Variants in ANO10 observed in about 807,000 individuals in gnomAD.
The protein encoded by ANO10 is anoctamin 10.
A neutral mutation model predicts 74.7 loss-of-function variants in ANO10; 77 were observed. That is an observed-to-expected ratio of 1.03 (90% CI 0.86 to 1.25). ANO10 has a LOEUF of 1.25. Among genes scored for constraint, ANO10 ranks in the 50% most tolerant of loss-of-function variants. The probability of loss-of-function intolerance (pLI) is 0.00; values close to 1 mark genes in which losing one functional copy is unlikely to be tolerated. For synonymous variants in ANO10, 279 were observed against 284.9 expected, an observed-to-expected ratio of 0.98 and a Z score of 0.21; for missense variants, 721 against 778.1, an observed-to-expected ratio of 0.93 and a Z score of 0.87.
At chr3:43,559,894 C>T (rs1182016809) in intron 9 of ANO10, among the ~76,000 whole-genome samples, 1 of 152,192 alleles carries the variant, frequency 6.6e-6, no homozygotes, top group Non-Finnish European at 1.5e-5. Context: ...AATTCTTCCT[C>T]TGTGAGACAG....
chr3:43,542,330 G>T (rs1173408489), intron 11 of ANO10, among the ~76,000 whole-genome samples: 3 of 152,172 alleles, frequency 2.0e-5, no homozygotes, highest in African/African-American at 7.2e-5. Context: ...AGGCGTGGAA[G>T]TAAGATCAGC....
chr3:43,691,070 T>C, intron 1 of ANO10: 1 of 1,522,238 alleles, frequency 6.6e-7, no homozygotes. Context: ...GCTTCGTGTG[T>C]CTCCGGCGCG....
intron 1 of ANO10, among the ~76,000 whole-genome samples, chr3:43,631,239 C>T (rs1337039837): frequency 6.6e-6 from 1 of 152,150 alleles, no homozygotes; most frequent in Admixed American, 6.5e-5. Flanking sequence ...TCCCACAAGC[C>T]CTTTAATTTG....
At chr3:43,471,374 G>C (rs2075852007) in intron 11 of ANO10, among the ~76,000 whole-genome samples, 1 of 152,076 alleles carries the variant, frequency 6.6e-6, no homozygotes, top group African/African-American at 2.4e-5. Flanking sequence ...TTAGGAAATG[G>C]AATATTCCTT....
intron 11 of ANO10, among the ~76,000 whole-genome samples, chr3:43,452,714 C>T (rs2074932967): frequency 6.6e-6 from 1 of 152,186 alleles, no homozygotes; most frequent in Non-Finnish European, 1.5e-5. Flanking sequence ...ACTGCTGGAT[C>T]GCATAGTAAC....
chr3:43,591,793 G>A (rs2081777187), intron 4 of ANO10, among the ~76,000 whole-genome samples: 2 of 152,228 alleles, frequency 1.3e-5, no homozygotes, highest in Non-Finnish European at 2.9e-5. Context: ...CCGAAGCAGG[G>A]CGAGGAATCA....
intron 4 of ANO10, among the ~76,000 whole-genome samples, chr3:43,582,066 C>T (rs1377964072): frequency 6.6e-6 from 1 of 152,000 alleles, no homozygotes; most frequent in African/African-American, 2.4e-5. Flanking sequence ...TATCTCTTAT[C>T]TACCTGTTAC....
intron 1 of ANO10, among the ~76,000 whole-genome samples, chr3:43,611,009 T>C (rs898146025): frequency 6.6e-6 from 1 of 152,280 alleles, no homozygotes; most frequent in East Asian, 1.9e-4. Context: ...CCAATCCTTT[T>C]TCCTTGGTTC....
At chr3:43,554,526 T>C (rs2079642219) in intron 10 of ANO10, among the ~76,000 whole-genome samples, 1 of 152,162 alleles carries the variant, frequency 6.6e-6, no homozygotes, top group South Asian at 2.1e-4. Flanking sequence ...AACCTGGACA[T>C]GTTAGGAGAG....
intron 11 of ANO10, among the ~76,000 whole-genome samples, chr3:43,435,416 G>A (rs1331382586): frequency 6.6e-6 from 1 of 152,016 alleles, no homozygotes; most frequent in Non-Finnish European, 1.5e-5. Context: ...GGTTGAGGCA[G>A]GGGAATTGCT....
intron 1 of ANO10, among the ~76,000 whole-genome samples, chr3:43,615,309 G>T (rs1275897074): frequency 6.6e-6 from 1 of 152,062 alleles, no homozygotes; most frequent in African/African-American, 2.4e-5. Context: ...CTCACAACCA[G>T]ACAGCCTGAC....
chr3:43,427,821 C>T (rs1395813577), intron 12 of ANO10, among the ~76,000 whole-genome samples: 1 of 152,126 alleles, frequency 6.6e-6, no homozygotes, highest in Non-Finnish European at 1.5e-5. Context: ...GAAGTCATGG[C>T]CAGTTAATTT....
intron 1 of ANO10, among the ~76,000 whole-genome samples, chr3:43,614,771 C>CTATATATATATCTATATA (rs2083002600): frequency 3.8e-5 from 2 of 52,700 alleles, no homozygotes; most frequent in African/African-American, 4.9e-5. Context: ...GAAAACTAAA[C>CTATATATATATCTATATA]TATATATATA....
intron 4 of ANO10, among the ~76,000 whole-genome samples, chr3:43,584,468 C>T (rs147119373): frequency 4.1e-4 from 63 of 152,300 alleles, no homozygotes; most frequent in African/African-American, 1.3e-3. Context: ...GAGCCGACCA[C>T]GCAGCTGTGT....
At chr3:43,462,218 G>A (rs956166661) in intron 11 of ANO10, among the ~76,000 whole-genome samples, 1 of 152,136 alleles carries the variant, frequency 6.6e-6, no homozygotes, top group Non-Finnish European at 1.5e-5. Flanking sequence ...GCTGTTGAAA[G>A]CATTCAGTAT....
At chr3:43,401,653 A>C (rs891722888) in intron 12 of ANO10, among the ~76,000 whole-genome samples, 1 of 152,252 alleles carries the variant, frequency 6.6e-6, no homozygotes, top group African/African-American at 2.4e-5. Context: ...TAAAATCGGG[A>C]CAATTCTACA....
rs556017006 is a variant in ANO10 at position 43,416,308 on chromosome 3, T to C, written c.1914+16303A>G. On this transcript the variant is annotated intron_variant, in intron 12 of 12. Transcript: ENST00000292246. Reference sequence around the variant, plus strand: ...CATTTATTTTCCTAATAACAAATAATACAAGATTCTTTCCAAACTGGTTTG... The same window carrying C: ...CATTTATTTTCCTAATAACAAATAACACAAGATTCTTTCCAAACTGGTTTG... Among the ~76,000 whole-genome samples, 31 of 152,354 alleles carry C rather than the reference T, an allele frequency of 2.0e-4. No individual in the cohort carries two copies. The South Asian group carries it at 5.6e-3, about 27-fold the overall frequency.
intron 1 of ANO10, among the ~76,000 whole-genome samples, chr3:43,662,828 C>T (rs904374295): frequency 5.3e-5 from 8 of 152,086 alleles, no homozygotes; most frequent in African/African-American, 1.4e-4. Flanking sequence ...TACACCCTCC[C>T]AAGACTAAAC....
At chr3:43,402,793 C>T (rs1179926322) in intron 12 of ANO10, among the ~76,000 whole-genome samples, 1 of 152,102 alleles carries the variant, frequency 6.6e-6, no homozygotes, top group Non-Finnish European at 1.5e-5. Context: ...CCTTAGTGTC[C>T]CTATTAAAAA....
Sources: allele counts gnomAD v4.1 joint callset (sites outside exome capture counted in the v4.1 genomes callset), GRCh38; gene constraint gnomAD v4.1.1; transcripts MANE v1.5; gene names NCBI Gene and HGNC (gene_info 2026-07-23, HGNC 2026-07-21).